PRORP: variants seen among roughly 807,000 people sequenced by gnomAD.
The protein encoded by PRORP is protein only RNase P catalytic subunit.
A neutral mutation model predicts 59.4 loss-of-function variants in PRORP; 51 were observed. The observed-to-expected ratio is 0.86, with a 90% CI of 0.69 to 1.08. The LOEUF is 1.08. Ranked by LOEUF, PRORP falls within the 50% of genes least tolerant of loss-of-function variation. PRORP has a pLI of 0.00. For synonymous variants in PRORP, 231 were observed against 245.6 expected, an observed-to-expected ratio of 0.94 and a Z score of 0.55; for missense variants, 646 against 690.3, an observed-to-expected ratio of 0.94 and a Z score of 0.72.
chr14:35,123,666 G>T lies in PRORP; in HGVS notation c.421G>T (p.Glu141Ter). 1 of 1,614,182 alleles carries T rather than the reference G, an allele frequency of 6.2e-7. No homozygotes were observed. The highest frequency in any genetic ancestry group is 8.5e-7 in the Non-Finnish European group (1 of 1,180,042). The change falls in exon 2 of 8, where the codon GAA (glutamate) becomes TAA (stop). Residue 141 changes from glutamate to a stop codon, truncating the protein, a stop_gained. Transcript: ENST00000534898. LOFTEE classifies it high-confidence loss of function. ...AGAAAACACCGGAAAGACCAGTTTC[G>T]AAAGTTGGATCATTTCACAGATGGC... Reference protein sequence around the residue: ...LKENTGKTSFESWIISQMAGC... With the variant: ...LKENTGKTSF
intron 5 of PRORP, among the ~76,000 whole-genome samples, chr14:35,264,945 C>T (rs555934290): frequency 7.9e-5 from 12 of 152,184 alleles, no homozygotes; most frequent in East Asian, 1.9e-4. Context: ...ACTGAGATCG[C>T]GCCACTGCCC....
chr14:35,194,048 T>C (rs1270406384), intron 5 of PRORP, among the ~76,000 whole-genome samples: 2 of 152,154 alleles, frequency 1.3e-5, no homozygotes, highest in Non-Finnish European at 2.9e-5. Context: ...TATGCATGGA[T>C]TGAAAGTGGA....
At chr14:35,235,125 T>A (rs2050177498) in intron 5 of PRORP, 1 of 492,478 alleles carries the variant, frequency 2.0e-6, no homozygotes, top group Non-Finnish European at 3.8e-6. Context: ...GAAGGAAAAT[T>A]TGTATTATTT....
intron 4 of PRORP, among the ~76,000 whole-genome samples, chr14:35,133,679 G>A (rs1226576763): frequency 6.6e-6 from 1 of 152,194 alleles, no homozygotes; most frequent in Non-Finnish European, 1.5e-5. Context: ...TGGGTGTTGT[G>A]ATCTAAGTTG....
At chr14:35,154,929 C>T (rs2047874692) in intron 4 of PRORP, among the ~76,000 whole-genome samples, 1 of 151,868 alleles carries the variant, frequency 6.6e-6, no homozygotes, top group Non-Finnish European at 1.5e-5. Context: ...GGGTCTCAAT[C>T]TGTTACCCAG....
At chr14:35,178,864 TG>T (rs1433808917) in intron 4 of PRORP, among the ~76,000 whole-genome samples, 1 of 152,240 alleles carries the variant, frequency 6.6e-6, no homozygotes, top group Non-Finnish European at 1.5e-5. Flanking sequence ...GGCATGTTTT[TG>T]CAGTGGCTGG....
chr14:35,122,049 A>G, upstream of PRORP: 1 of 1,444,094 alleles, frequency 6.9e-7, no homozygotes, highest in Non-Finnish European at 9.7e-7. Context: ...CAGGCCCCGT[A>G]AAGGTTAGGA....
chr14:35,224,254 A>G (rs1466705629), intron 5 of PRORP, among the ~76,000 whole-genome samples: 1 of 152,248 alleles, frequency 6.6e-6, no homozygotes, highest in Non-Finnish European at 1.5e-5. Flanking sequence ...ATATATCTAG[A>G]GATATTCTCT....
chr14:35,262,173 T>TTCA (rs1014673639), intron 5 of PRORP, among the ~76,000 whole-genome samples: 1 of 151,644 alleles, frequency 6.6e-6, no homozygotes, highest in Non-Finnish European at 1.5e-5. Context: ...TTTTTATAAT[T>TTCA]TTATTATTAT....
intron 5 of PRORP, among the ~76,000 whole-genome samples, chr14:35,243,400 G>T (rs1425112715): frequency 1.3e-5 from 2 of 151,972 alleles, no homozygotes; most frequent in Non-Finnish European, 2.9e-5. Flanking sequence ...GCTAGGTGTG[G>T]TGGTGCGCCC....
intron 5 of PRORP, among the ~76,000 whole-genome samples, chr14:35,193,181 A>AT (rs1183446390): frequency 6.6e-6 from 1 of 152,266 alleles, no homozygotes; most frequent in African/African-American, 2.4e-5. Flanking sequence ...AAAGCACATC[A>AT]TTTTAGTTAA....
intron 4 of PRORP, among the ~76,000 whole-genome samples, chr14:35,166,061 C>T (rs2048176862): frequency 6.6e-6 from 1 of 151,952 alleles, no homozygotes; most frequent in South Asian, 2.1e-4. Flanking sequence ...TTGATTTATT[C>T]CTTGAGAACA....
intron 4 of PRORP, among the ~76,000 whole-genome samples, chr14:35,168,847 C>A (rs566941662): frequency 6.7e-4 from 102 of 152,056 alleles, no homozygotes; most frequent in African/African-American, 2.4e-3. Context: ...TTCCTGTTTT[C>A]TTCTAGAATT....
In PRORP at chr14:35,200,865, TC is replaced by T. The variant is rs747520065; in HGVS notation, c.1275+20090del. Among the ~76,000 whole-genome samples, 19 of 152,280 alleles carry T rather than the reference TC, an allele frequency of 1.2e-4. No individual in the cohort carries two copies. In the East Asian group the frequency reaches 2.1e-3, roughly 17 times the overall value. On this transcript the variant is annotated intron_variant, in intron 5 of 7. Transcript: ENST00000534898. ...ATTGATATATTGCTATTAACTAAAG[TC>T]CATACTTTATTTAGATTTGCTTATT...
intron 5 of PRORP, among the ~76,000 whole-genome samples, chr14:35,244,181 C>G (rs1162273679): frequency 6.6e-6 from 1 of 152,152 alleles, no homozygotes; most frequent in African/African-American, 2.4e-5. Flanking sequence ...TTTCTAAAAA[C>G]TTTTCATAAG....
chr14:35,206,234 A>G (rs2049290875), intron 5 of PRORP, among the ~76,000 whole-genome samples: 1 of 152,102 alleles, frequency 6.6e-6, no homozygotes, highest in African/African-American at 2.4e-5. Flanking sequence ...CTTTCTGGTG[A>G]AGAAGGTTTG....
intron 5 of PRORP, among the ~76,000 whole-genome samples, chr14:35,184,681 C>A (rs1172048354): frequency 6.6e-6 from 1 of 152,096 alleles, no homozygotes; most frequent in Non-Finnish European, 1.5e-5. Context: ...TCCCACACTC[C>A]CCGCTCAAGT....
chr14:35,144,192 A>T lies in PRORP; in HGVS notation c.1167+16581A>T, dbSNP rs73234496. The T allele has an allele frequency of 1.6e-4, 24 of 151,782 alleles. 5 individuals carry two copies. The East Asian group carries it at 4.9e-3, about 31-fold the overall frequency. 9.4% of individuals were successfully genotyped at this position (151,782 alleles called of 1,614,324 possible). A position where few individuals can be genotyped will look rare whatever the true frequency, so the allele number is the denominator to read the frequency against. Reference sequence around the variant, plus strand: ...CTGGTGCTTGTTGGCTTTGATAACCACAGTGAACACAGATGTGGTATTGTC... The same window carrying T: ...CTGGTGCTTGTTGGCTTTGATAACCTCAGTGAACACAGATGTGGTATTGTC... On this transcript the variant is annotated intron_variant, in intron 4 of 7. Coordinates refer to ENST00000534898, the MANE Select transcript of PRORP (RefSeq NM_014672.4).
intron 4 of PRORP, among the ~76,000 whole-genome samples, chr14:35,157,678 G>A (rs1005380332): frequency 3.3e-5 from 5 of 152,090 alleles, no homozygotes; most frequent in African/African-American, 7.2e-5. Context: ...TGTGAGCCAC[G>A]GTGCCTGGCC....
Sources: gnomAD v4.1 joint callset for allele counts (sites outside exome capture counted in the v4.1 genomes callset) on GRCh38, gnomAD v4.1.1 for gene constraint, MANE v1.5 for transcripts, NCBI Gene and HGNC (gene_info 2026-07-23, HGNC 2026-07-21) for gene names.